Variants in SDK1 observed in about 807,000 individuals in gnomAD.
The protein encoded by SDK1 is sidekick cell adhesion molecule 1.
A neutral mutation model predicts 245.5 loss-of-function variants in SDK1; 157 were observed. The ratio of observed to expected loss-of-function variants is 0.64; its 90% CI spans 0.56 to 0.73. SDK1 has a LOEUF of 0.73. SDK1 is among the 30% of genes least tolerant of loss of function. The pLI is 0.00. For missense variants in SDK1, 3,583 were observed against 3,002.3 expected, an observed-to-expected ratio of 1.19 and a Z score of -4.52; for synonymous variants, 1,647 against 1,278.5, an observed-to-expected ratio of 1.29 and a Z score of -6.15.
intron 12 of SDK1, among the ~76,000 whole-genome samples, chr7:3,973,145 A>G (rs1335276933): frequency 6.6e-6 from 1 of 152,094 alleles, no homozygotes; most frequent in Non-Finnish European, 1.5e-5. Context: ...CCCTCGTCCC[A>G]GGGTTGCTCT....
chr7:3,851,455 C>G (rs1402113258), intron 5 of SDK1, among the ~76,000 whole-genome samples: 1 of 152,052 alleles, frequency 6.6e-6, no homozygotes, highest in Non-Finnish European at 1.5e-5. Flanking sequence ...GCGTAATATG[C>G]TTCTTTGCAT....
Position 3,893,566 on chromosome 7 carries a change from A to T in SDK1, c.848-57357A>T, listed in dbSNP as rs948580470. On this transcript the variant is annotated intron_variant, in intron 5 of 44. Coordinates refer to ENST00000404826, the MANE Select transcript of SDK1 (RefSeq NM_152744.4). ...AGGGTAAGCAACCTCACATTTCTCCAGCATTCTGTAGATGTCAAGCTTTCT... is the reference window on the plus strand; with the variant it reads ...AGGGTAAGCAACCTCACATTTCTCCTGCATTCTGTAGATGTCAAGCTTTCT... Among the ~76,000 whole-genome samples the T allele has an allele frequency of 2.6e-5, 4 of 151,772 alleles. No homozygotes were observed. The East Asian group carries it at 7.7e-4, about 29-fold the overall frequency.
At chr7:3,637,076 T>A (rs866124319) in intron 2 of SDK1, among the ~76,000 whole-genome samples, 3 of 143,464 alleles carry the variant, frequency 2.1e-5, no homozygotes, top group Non-Finnish European at 3.0e-5. Flanking sequence ...AGAGAGAGAG[T>A]GCGTGCGCGC....
chr7:4,140,663 C>T (rs1385377394), intron 28 of SDK1, among the ~76,000 whole-genome samples: 4 of 152,146 alleles, frequency 2.6e-5, no homozygotes, highest in African/African-American at 7.2e-5. Flanking sequence ...ACTGTGTGCT[C>T]GTGGGCACCC....
intron 1 of SDK1, among the ~76,000 whole-genome samples, chr7:3,471,605 T>G (rs546856480): frequency 6.6e-6 from 1 of 152,314 alleles, no homozygotes; most frequent in South Asian, 2.1e-4. Context: ...GTTTTCAGTT[T>G]GGCTCAGATG....
chr7:3,618,983 A>G, intron 1 of SDK1, 97 bp from the exon 2 acceptor site: 1 of 1,031,002 alleles, frequency 9.7e-7, no homozygotes, highest in African/African-American at 1.6e-5. Context: ...TTTCATTTTA[A>G]TATTACGTTT....
At chr7:4,146,832 G>C (rs554206726) in intron 29 of SDK1, among the ~76,000 whole-genome samples, 30 of 152,342 alleles carry the variant, frequency 2.0e-4, no homozygotes, top group African/African-American at 7.0e-4. Context: ...CATGGCATTA[G>C]CTCTGATTTT....
chr7:3,764,640 C>A (rs1487980156), intron 4 of SDK1, among the ~76,000 whole-genome samples: 1 of 151,906 alleles, frequency 6.6e-6, no homozygotes, highest in Admixed American at 6.6e-5. Flanking sequence ...AGGGATTGCG[C>A]CACCGCACTC....
At chr7:4,024,211 TC>T (rs1413058747) in intron 17 of SDK1, among the ~76,000 whole-genome samples, 3 of 152,242 alleles carry the variant, frequency 2.0e-5, no homozygotes, top group South Asian at 2.1e-4. Context: ...TATCCACATT[TC>T]TAAAACATTA....
chr7:3,906,819 G>C (rs1180709503), intron 5 of SDK1, among the ~76,000 whole-genome samples: 1 of 151,664 alleles, frequency 6.6e-6, no homozygotes, highest in Non-Finnish European at 1.5e-5. Context: ...TAGTAGAGAC[G>C]GGGTTTCACC....
intron 25 of SDK1, among the ~76,000 whole-genome samples, chr7:4,116,521 G>A (rs527375484): frequency 1.3e-5 from 2 of 152,206 alleles, no homozygotes; most frequent in Non-Finnish European, 2.9e-5. Context: ...GGTCCCGTTG[G>A]TGACAGGTCT....
chr7:3,452,484 C>G (rs74587281), intron 1 of SDK1, among the ~76,000 whole-genome samples: 4 of 152,032 alleles, frequency 2.6e-5, no homozygotes, highest in Non-Finnish European at 5.9e-5. Flanking sequence ...ATTAGTATGT[C>G]AAAAAAGCAA....
intron 1 of SDK1, among the ~76,000 whole-genome samples, chr7:3,360,167 T>G (rs1180934315): frequency 1.3e-5 from 2 of 152,232 alleles, no homozygotes; most frequent in African/African-American, 4.8e-5. Flanking sequence ...ATTAGTTTGC[T>G]TATTCAGTGG....
chr7:3,313,021 A>G (rs977715085), intron 1 of SDK1, among the ~76,000 whole-genome samples: 3 of 152,230 alleles, frequency 2.0e-5, no homozygotes, highest in Admixed American at 6.5e-5. Context: ...TGTTCATAGC[A>G]GAAGATGATT....
chr7:4,077,513 T>C (rs1463598840), intron 21 of SDK1, among the ~76,000 whole-genome samples: 1 of 152,168 alleles, frequency 6.6e-6, no homozygotes, highest in Non-Finnish European at 1.5e-5. Context: ...ACAGTAGCGA[T>C]GATTGTATTA....
chr7:3,788,108 A>G (rs1315267313), intron 4 of SDK1, among the ~76,000 whole-genome samples: 1 of 151,456 alleles, frequency 6.6e-6, no homozygotes, highest in Non-Finnish European at 1.5e-5. Flanking sequence ...CCGGGACCTC[A>G]CTCCTTCTGC....
intron 5 of SDK1, among the ~76,000 whole-genome samples, chr7:3,929,338 C>T (rs148604085): frequency 6.6e-6 from 1 of 152,232 alleles, no homozygotes; most frequent in African/African-American, 2.4e-5. Context: ...AGCTTGAACA[C>T]GATTGATCTT....
chr7:4,003,820 T>C (rs1413451872), intron 14 of SDK1, among the ~76,000 whole-genome samples: 1 of 152,242 alleles, frequency 6.6e-6, no homozygotes, highest in Non-Finnish European at 1.5e-5. Flanking sequence ...AGAGACAGTC[T>C]GTTGTGGTGG....
chr7:3,462,229 G>C (rs1036058756), intron 1 of SDK1, among the ~76,000 whole-genome samples: 1 of 152,058 alleles, frequency 6.6e-6, no homozygotes, highest in African/African-American at 2.4e-5. Context: ...ATTCTTCACC[G>C]CTTGCCGCTC....
Sources: gnomAD v4.1 joint callset for allele counts (sites outside exome capture counted in the v4.1 genomes callset) on GRCh38, gnomAD v4.1.1 for gene constraint, MANE v1.5 for transcripts, NCBI Gene and HGNC (gene_info 2026-07-23, HGNC 2026-07-21) for gene names.